Variants in INPP4B observed in about 807,000 individuals in gnomAD.
The protein encoded by INPP4B is inositol polyphosphate-4-phosphatase type II B, also known as inositol polyphosphate 4-phosphatase type II.
Under a neutral mutation model 122.5 loss-of-function variants are expected in INPP4B, and 55 were observed. That is an observed-to-expected ratio of 0.45 (90% CI 0.36 to 0.56). INPP4B has a LOEUF of 0.56. Among genes scored for constraint, INPP4B ranks in the 20% least tolerant of loss-of-function variants. The probability of loss-of-function intolerance (pLI) is 0.00; values close to 1 mark genes in which losing one functional copy is unlikely to be tolerated. For synonymous variants in INPP4B, 403 were observed against 388.7 expected, an observed-to-expected ratio of 1.04 and a Z score of -0.43; for missense variants, 1,000 against 1,097.7, an observed-to-expected ratio of 0.91 and a Z score of 1.26.
chr4:142,747,937 G>T (rs189616015), intron 1 of INPP4B, among the ~76,000 whole-genome samples: 61 of 151,986 alleles, frequency 4.0e-4, no homozygotes, highest in Admixed American at 8.5e-4. Flanking sequence ...GAGTTGATAG[G>T]GTGTAGCAAA....
intron 2 of INPP4B, among the ~76,000 whole-genome samples, chr4:142,513,301 G>C (rs1292361876): frequency 6.6e-6 from 1 of 152,156 alleles, no homozygotes; most frequent in African/African-American, 2.4e-5. Flanking sequence ...GGGTGTGTTA[G>C]GGGGAAAGCT....
At chr4:142,029,553 CA>C in intron 25 of INPP4B, 1 of 985,482 alleles carries the variant, frequency 1.0e-6, no homozygotes, top group Non-Finnish European at 1.2e-6. Context: ...CTCTGAAAGC[CA>C]AATCAACCCA....
At chr4:142,764,185 C>A (rs922292098) in intron 1 of INPP4B, among the ~76,000 whole-genome samples, 2 of 152,064 alleles carry the variant, frequency 1.3e-5, no homozygotes, top group South Asian at 2.1e-4. Flanking sequence ...ATATAATTTA[C>A]ATCTGAAATA....
At position 142,706,740 on chromosome 4, in the gene INPP4B, T is replaced by C. The variant is rs998024635; in HGVS notation, c.-191+19099A>G. On this transcript the variant is annotated intron_variant, in intron 2 of 25. Transcript: ENST00000262992. The stretch of plus-strand genomic sequence containing the variant: ...AGGCCAGACAAGCCTCACAAATGAG[T>C]GATATGCATTATACACTATGCATTT... Among the ~76,000 whole-genome samples the C allele has an allele frequency of 1.3e-5, 2 of 152,186 alleles. 1 individual carries two copies. Among genetic ancestry groups the C allele is most frequent in the Admixed American group, 1.3e-4 (2 of 15,286 alleles).
chr4:142,841,363 C>CAT (rs1207257868), intron 1 of INPP4B, among the ~76,000 whole-genome samples: 2 of 151,956 alleles, frequency 1.3e-5, no homozygotes, highest in African/African-American at 4.8e-5. Flanking sequence ...GAGCTCATCT[C>CAT]TGATCTTTTG....
intron 7 of INPP4B, among the ~76,000 whole-genome samples, chr4:142,327,366 AAAG>A (rs1772765128): frequency 6.6e-6 from 1 of 152,116 alleles, no homozygotes; most frequent in South Asian, 2.1e-4. Flanking sequence ...ACTGTAGTCA[AAAG>A]AAGATCACCA....
chr4:142,317,267 T>C, intron 7 of INPP4B: 1 of 356,322 alleles, frequency 2.8e-6, no homozygotes, highest in Non-Finnish European at 5.6e-6. Context: ...ATCAACAAAC[T>C]ACCAAAACCG....
In INPP4B at chr4:142,086,161, T is replaced by A. The variant is rs750041873; in HGVS notation, c.2470A>T (p.Met824Leu). The A allele has an allele frequency of 6.3e-7, 1 of 1,591,964 alleles. No homozygotes were observed. Among genetic ancestry groups the A allele is most frequent in the East Asian group, 2.2e-5 (1 of 44,696 alleles). Residue 824 changes from methionine to leucine, a missense_variant, in exon 24 of 26, where the codon ATG becomes TTG. Transcript: ENST00000262992. ...GTGCTTACCGTTGCAGCCAGCCACA[T>A]AATTTCTACATTCTTTCTTTTTTTG... ...QSKKRKNVEI[M>L]WLAATICRKL... is the part of the protein sequence containing the mutation.
At chr4:142,058,555 G>A (rs991414914) in intron 25 of INPP4B, among the ~76,000 whole-genome samples, 7 of 152,132 alleles carry the variant, frequency 4.6e-5, no homozygotes, top group Admixed American at 2.6e-4. Context: ...TCAATATTAC[G>A]TTTAAGGCAC....
chr4:142,354,235 T>C (rs1185946164), intron 7 of INPP4B, among the ~76,000 whole-genome samples: 2 of 152,024 alleles, frequency 1.3e-5, no homozygotes, highest in African/African-American at 2.4e-5. Context: ...CCTTGGGACA[T>C]GGGCTCAGCA....
intron 11 of INPP4B, among the ~76,000 whole-genome samples, chr4:142,252,920 T>C (rs1291911548): frequency 6.6e-6 from 1 of 152,200 alleles, no homozygotes; most frequent in Admixed American, 6.5e-5. Flanking sequence ...GGCAATTTCG[T>C]CATGGTGCAA....
At chr4:142,339,784 G>GA (rs752901977) in intron 7 of INPP4B, among the ~76,000 whole-genome samples, 15 of 151,892 alleles carry the variant, frequency 9.9e-5, no homozygotes, top group Non-Finnish European at 1.8e-4. Context: ...CTCTCCCTAA[G>GA]AAAAAAAGGC....
intron 8 of INPP4B, among the ~76,000 whole-genome samples, chr4:142,308,185 C>G (rs1764163540): frequency 6.6e-6 from 1 of 152,084 alleles, no homozygotes; most frequent in Non-Finnish European, 1.5e-5. Flanking sequence ...GCCCATGAGT[C>G]AGGTTTATCC....
chr4:142,215,891 TCAAAAAAAAAAAAAAAAAAAAAAA>T (rs1846966046), intron 12 of INPP4B, among the ~76,000 whole-genome samples: 1 of 35,418 alleles, frequency 2.8e-5, no homozygotes. Flanking sequence ...AGACTCTGTC[TCAAAAAAAAAAAAAAAAAAAAAAA>T]AAAAAAAAAA....
chr4:142,631,886 G>C (rs1370483749), intron 2 of INPP4B, among the ~76,000 whole-genome samples: 1 of 152,080 alleles, frequency 6.6e-6, no homozygotes, highest in Non-Finnish European at 1.5e-5. Context: ...GTCAATATTG[G>C]GTGACATATT....
intron 2 of INPP4B, among the ~76,000 whole-genome samples, chr4:142,639,016 T>G (rs945068128): frequency 6.6e-6 from 1 of 152,298 alleles, no homozygotes. Context: ...ATTTTTTTGT[T>G]TTGGCATCTA....
chr4:142,545,705 A>G (rs1829479572), intron 2 of INPP4B, among the ~76,000 whole-genome samples: 1 of 125,898 alleles, frequency 7.9e-6, no homozygotes, highest in Admixed American at 8.4e-5. Flanking sequence ...ATGTGTATAT[A>G]TATGTGTGTG....
At chr4:142,641,398 A>G (rs1580592059) in intron 2 of INPP4B, among the ~76,000 whole-genome samples, 1 of 151,564 alleles carries the variant, frequency 6.6e-6, no homozygotes, top group African/African-American at 2.4e-5. Flanking sequence ...TAGGTATACC[A>G]CCTAATGCTA....
At chr4:142,124,448 G>A in intron 19 of INPP4B, 140 bp downstream of exon 19, 1 of 704,694 alleles carries the variant, frequency 1.4e-6, no homozygotes, top group Non-Finnish European at 2.4e-6. Context: ...TATTTATCGT[G>A]AATAAGAAAC....
Sources: allele counts gnomAD v4.1 joint callset (sites outside exome capture counted in the v4.1 genomes callset), GRCh38; gene constraint gnomAD v4.1.1; transcripts MANE v1.5; gene names NCBI Gene and HGNC (gene_info 2026-07-23, HGNC 2026-07-21).